Variants in TMC1 observed in about 807,000 individuals in gnomAD.
TMC1 encodes the protein transmembrane channel-like protein 1.
TMC1 carries 84 observed loss-of-function variants against 105.8 expected under a neutral mutation model. The ratio of observed to expected loss-of-function variants is 0.79; its 90% CI spans 0.67 to 0.95. The LOEUF is 0.95. Ranked by LOEUF, TMC1 falls within the 40% of genes least tolerant of loss-of-function variation. TMC1 has a pLI of 0.00. For synonymous variants in TMC1, 315 were observed against 311.5 expected (o/e 1.01, Z -0.12); for missense variants, 817 against 914.1 (o/e 0.89, Z 1.37).
intron 23 of TMC1, among the ~76,000 whole-genome samples, chr9:72,832,385 G>A (rs999444963): frequency 3.0e-4 from 46 of 152,286 alleles, no homozygotes; most frequent in Middle Eastern, 3.4e-3. Context: ...AACTTCCAAT[G>A]CCATGTCCTT....
intron 1 of TMC1, among the ~76,000 whole-genome samples, chr9:72,547,025 G>A (rs985984562): frequency 1.3e-5 from 2 of 152,156 alleles, no homozygotes; most frequent in Admixed American, 6.5e-5. Context: ...GATGGCTCAT[G>A]CCCGTAATCC....
intron 13 of TMC1, among the ~76,000 whole-genome samples, chr9:72,778,220 C>T (rs1828035502): frequency 6.6e-6 from 1 of 152,170 alleles, no homozygotes; most frequent in African/African-American, 2.4e-5. Flanking sequence ...TAACAAGATG[C>T]AGCCAGGAAG....
At chr9:72,577,284 A>T (rs1457826630) in intron 1 of TMC1, among the ~76,000 whole-genome samples, 1 of 152,134 alleles carries the variant, frequency 6.6e-6, no homozygotes, top group African/African-American at 2.4e-5. Context: ...AAATTCTTTA[A>T]TCACTCTGCG....
At chr9:72,536,499 AT>A (rs1823588329) in intron 1 of TMC1, among the ~76,000 whole-genome samples, 1 of 151,946 alleles carries the variant, frequency 6.6e-6, no homozygotes, top group African/African-American at 2.4e-5. Context: ...TGCCTGGCTA[AT>A]TTTTTGTATT....
At chr9:72,651,854 C>T (rs1236991652) in intron 5 of TMC1, among the ~76,000 whole-genome samples, 1 of 151,884 alleles carries the variant, frequency 6.6e-6, no homozygotes, top group Non-Finnish European at 1.5e-5. Context: ...TTTGGTGCAC[C>T]TATCACCTAA....
At chr9:72,673,760 G>T (rs951229011) in intron 5 of TMC1, among the ~76,000 whole-genome samples, 2 of 152,148 alleles carry the variant, frequency 1.3e-5, no homozygotes, top group Non-Finnish European at 2.9e-5. Context: ...ATCTATTAAA[G>T]AAATTAAGTT....
At position 72,793,595 on chromosome 9, in the gene TMC1, A is replaced by G. The variant is rs372950357; in HGVS notation, c.1566+1243A>G. Among the ~76,000 whole-genome samples, 96 of 152,186 alleles carry G rather than the reference A, an allele frequency of 6.3e-4. 1 individual carries two copies. The highest frequency in any genetic ancestry group is 2.2e-3 in the African/African-American group (92 of 41,524). On this transcript the variant is annotated intron_variant, in intron 17 of 23. Coordinates refer to ENST00000297784, the MANE Select transcript of TMC1 (RefSeq NM_138691.3). ...TAACTGGGGTCTCCAACCACCTCCT[A>G]CAGGTGCGTTTGGGCCAGCAACGGG...
At chr9:72,767,286 G>A (rs34862425) in intron 12 of TMC1, among the ~76,000 whole-genome samples, 10,560 of 152,088 alleles carry the variant, frequency 0.069, 425 homozygotes, top group African/African-American at 0.11. Flanking sequence ...TAATGGTCTG[G>A]CAGCTATTAC....
chr9:72,583,256 CCCT>C, intron 2 of TMC1, among the ~76,000 whole-genome samples: 1 of 151,770 alleles, frequency 6.6e-6, no homozygotes, highest in Non-Finnish European at 1.5e-5. Flanking sequence ...CAACCCCTTC[CCCT>C]CCACGAAAGA....
chr9:72,669,241 G>A (rs934556935), intron 5 of TMC1, among the ~76,000 whole-genome samples: 15 of 152,104 alleles, frequency 9.9e-5, no homozygotes, highest in Admixed American at 3.3e-4. Context: ...CCTGGGAGGC[G>A]GAGGTAGCAG....
chr9:72,607,002 T>TATAGAGAGAGAGAG lies in TMC1; in HGVS notation c.-305-9365_-305-9364insTAGAGAGAGAGAGA, dbSNP rs372785242. On this transcript the variant is annotated intron_variant, in intron 2 of 23. Transcript: ENST00000297784. ...GTGTGCATATATATATATATATATATAGAGAGAGAGAGAGAGAGAGAGAGA... is the reference window on the plus strand; with the variant it reads ...GTGTGCATATATATATATATATATATATAGAGAGAGAGAGAGAGAGAGAGAGAGAGAGAGAGAGA... 1.5e-3 allele frequency among the ~76,000 whole-genome samples: 209 copies of TATAGAGAGAGAGAG among 134,956 alleles called. 1 individual carries two copies. The highest frequency in any genetic ancestry group is 5.0e-3 in the African/African-American group (179 of 35,750). 88.5% of individuals were successfully genotyped at this position (134,956 alleles called of 152,430 possible).
chr9:72,685,100 CTTTTTTTTTTTTTT>C (rs71359515), intron 5 of TMC1, among the ~76,000 whole-genome samples: 1 of 91,064 alleles, frequency 1.1e-5, no homozygotes, highest in Non-Finnish European at 2.0e-5. Context: ...TAAAGTCATT[CTTTTTTTTTTTTTT>C]TTTTTTTTTT....
chr9:72,651,826 A>T (rs1825818557), intron 5 of TMC1, among the ~76,000 whole-genome samples: 1 of 152,098 alleles, frequency 6.6e-6, no homozygotes, highest in Non-Finnish European at 1.5e-5. Context: ...TAAGTTCTTT[A>T]GTGGTGATTT....
intron 5 of TMC1, among the ~76,000 whole-genome samples, chr9:72,680,004 G>A (rs1826261815): frequency 6.6e-6 from 1 of 151,932 alleles, no homozygotes; most frequent in East Asian, 1.9e-4. Flanking sequence ...TACAAAGACG[G>A]GGGCAGAAAT....
intron 4 of TMC1, among the ~76,000 whole-genome samples, chr9:72,643,761 C>T (rs1225342864): frequency 6.6e-6 from 1 of 152,170 alleles, no homozygotes; most frequent in African/African-American, 2.4e-5. Flanking sequence ...TGTATAGGGA[C>T]ATATGCTTTC....
chr9:72,658,186 T>A (rs1825911237), intron 5 of TMC1, among the ~76,000 whole-genome samples: 2 of 152,064 alleles, frequency 1.3e-5, no homozygotes, highest in Admixed American at 6.5e-5. Context: ...TTTGGGCAGA[T>A]GGAACAAATA....
At chr9:72,685,967 A>C (rs979322951) in intron 5 of TMC1, among the ~76,000 whole-genome samples, 3 of 152,208 alleles carry the variant, frequency 2.0e-5, no homozygotes, top group African/African-American at 7.2e-5. Flanking sequence ...TTTAAAAAGA[A>C]GCCCCAGAAC....
Position 72,836,998 on chromosome 9 carries a change from GTGCCCTGTTCAGC to G in TMC1, c.*1027_*1039del, listed in dbSNP as rs1337860416. On this transcript the variant is annotated 3_prime_UTR_variant, in exon 24 of 24. Transcript: ENST00000297784. The stretch of plus-strand genomic sequence containing the variant: ...CAAGTGGGCAAATTGAGAGTTCCAA[GTGCCCTGTTCAGC>G]TTTGACCTGGGTTTCTATACACTGG... The G allele has an allele frequency of 6.6e-6, 1 of 152,226 alleles. No homozygotes were observed. The highest frequency in any genetic ancestry group is 6.5e-5 in the Admixed American group (1 of 15,280). 9.4% of individuals were successfully genotyped at this position (152,226 alleles called of 1,614,324 possible). A position where few individuals can be genotyped will look rare whatever the true frequency, so the allele number is the denominator to read the frequency against.
chr9:72,763,831 AG>A (rs1827791640), intron 12 of TMC1, among the ~76,000 whole-genome samples: 1 of 151,944 alleles, frequency 6.6e-6, no homozygotes, highest in African/African-American at 2.4e-5. Flanking sequence ...AGTGGGGGGT[AG>A]GTGGGTAGTA....
Sources: allele counts gnomAD v4.1 joint callset (sites outside exome capture counted in the v4.1 genomes callset), GRCh38; gene constraint gnomAD v4.1.1; transcripts MANE v1.5; gene names NCBI Gene and HGNC (gene_info 2026-07-23, HGNC 2026-07-21).